KCNMA1: variants seen among roughly 807,000 people sequenced by gnomAD.
KCNMA1 encodes the protein potassium calcium-activated channel subfamily M alpha 1.
A neutral mutation model predicts 140.0 loss-of-function variants in KCNMA1; 29 were observed. The ratio of observed to expected loss-of-function variants is 0.21; its 90% CI spans 0.15 to 0.28. KCNMA1 has a LOEUF of 0.28. Ranked by LOEUF, KCNMA1 falls within the 10% of genes least tolerant of loss-of-function variation. The pLI is 1.00. For synonymous variants in KCNMA1, 612 were observed against 611.9 expected, an observed-to-expected ratio of 1.00 and a Z score of 0.00; for missense variants, 880 against 1,602.2, an observed-to-expected ratio of 0.55 and a Z score of 7.70.
At chr10:76,920,018 G>GTATATATATATTTATA (rs1340604804) in intron 23 of KCNMA1, among the ~76,000 whole-genome samples, 1 of 43,584 alleles carries the variant, frequency 2.3e-5, no homozygotes, top group Non-Finnish European at 4.0e-5. Flanking sequence ...GTGTGTGTGT[G>GTATATATATATTTATA]TGTATATATA....
chr10:77,083,696 G>A (rs2096631916), intron 12 of KCNMA1, among the ~76,000 whole-genome samples: 1 of 151,936 alleles, frequency 6.6e-6, no homozygotes, highest in East Asian at 1.9e-4. Context: ...TTGGCCATGT[G>A]TGGTGGCACA....
rs550357973 is a variant in KCNMA1 at position 76,888,505 on chromosome 10, G to A, written c.3461+946C>T. ...TACTATGCAAGCAGGGATGAGAAAC[G>A]CTTGTCTCTGCAGCACTGTTGCCTA... On this transcript the variant is annotated intron_variant, in intron 27 of 27. Transcript: ENST00000286628. Among the ~76,000 whole-genome samples the A allele has an allele frequency of 1.1e-4, 16 of 152,182 alleles. No individual in the cohort carries two copies. In the South Asian group the frequency reaches 2.9e-3, roughly 28 times the overall value.
At chr10:76,871,044 A>G (rs1051870144) in exon 28 of KCNMA1, 1 of 152,124 alleles carries the variant, frequency 6.6e-6, no homozygotes, top group African/African-American at 2.4e-5. Context: ...GTCCTGAAAA[A>G]CTTGGCTGTA....
At chr10:77,265,055 T>TC (rs1491193081) in intron 2 of KCNMA1, among the ~76,000 whole-genome samples, 1 of 143,686 alleles carries the variant, frequency 7.0e-6, no homozygotes, top group Non-Finnish European at 1.5e-5. Context: ...CAAAAGACTC[T>TC]TTTTTTTTTT....
intron 1 of KCNMA1, among the ~76,000 whole-genome samples, chr10:77,481,180 C>A (rs1004450890): frequency 7.2e-5 from 11 of 151,766 alleles, no homozygotes; most frequent in African/African-American, 2.4e-4. Flanking sequence ...CACACATACA[C>A]ACAGCGTGTA....
At chr10:77,103,746 A>G (rs575592067) in intron 9 of KCNMA1, among the ~76,000 whole-genome samples, 2 of 152,288 alleles carry the variant, frequency 1.3e-5, no homozygotes, top group African/African-American at 4.8e-5. Context: ...ACCAAATGGG[A>G]AAAATAAAGG....
At chr10:76,921,204 TA>T (rs1318719982) in intron 23 of KCNMA1, among the ~76,000 whole-genome samples, 3 of 152,180 alleles carry the variant, frequency 2.0e-5, no homozygotes, top group Non-Finnish European at 2.9e-5. Flanking sequence ...TATGCTACGT[TA>T]AACTAGGGAA....
intron 20 of KCNMA1, among the ~76,000 whole-genome samples, chr10:76,969,765 A>G (rs570638122): frequency 6.6e-6 from 1 of 152,346 alleles, no homozygotes; most frequent in South Asian, 2.1e-4. Context: ...TTTTCATGAC[A>G]GAATTTTTTC....
intron 1 of KCNMA1, among the ~76,000 whole-genome samples, chr10:77,632,219 A>C (rs778732725): frequency 6.6e-6 from 1 of 151,892 alleles, no homozygotes; most frequent in Admixed American, 6.6e-5. Flanking sequence ...TCACAAGGTA[A>C]TTTAAAAGGC....
chr10:77,427,762 TTTA>T, intron 1 of KCNMA1, among the ~76,000 whole-genome samples: 1 of 151,722 alleles, frequency 6.6e-6, no homozygotes, highest in South Asian at 2.1e-4. Context: ...TATTTATTTA[TTTA>T]TTGAGATGGA....
chr10:77,228,552 C>T (rs1045796361), intron 3 of KCNMA1, among the ~76,000 whole-genome samples: 2 of 152,196 alleles, frequency 1.3e-5, no homozygotes, highest in African/African-American at 4.8e-5. Flanking sequence ...GCCACCTCTA[C>T]AACAGTTTTC....
At chr10:77,344,250 G>A (rs547961676) in intron 2 of KCNMA1, among the ~76,000 whole-genome samples, 1 of 152,338 alleles carries the variant, frequency 6.6e-6, no homozygotes, top group South Asian at 2.1e-4. Flanking sequence ...GAGCTAAGAG[G>A]TGGAACCCAG....
At chr10:77,291,565 C>T (rs1470724477) in intron 2 of KCNMA1, among the ~76,000 whole-genome samples, 3 of 152,092 alleles carry the variant, frequency 2.0e-5, no homozygotes, top group Admixed American at 2.0e-4. Flanking sequence ...CGAAATGTCC[C>T]AATAAGAAGG....
intron 2 of KCNMA1, among the ~76,000 whole-genome samples, chr10:77,285,751 G>T (rs1223058519): frequency 1.3e-5 from 2 of 152,130 alleles, no homozygotes; most frequent in Non-Finnish European, 2.9e-5. Context: ...CTCAAATGCT[G>T]CCTCTGCCCC....
intron 14 of KCNMA1, among the ~76,000 whole-genome samples, chr10:77,070,749 C>G (rs2096170629): frequency 6.6e-6 from 1 of 151,996 alleles, no homozygotes; most frequent in South Asian, 2.1e-4. Flanking sequence ...ATAAAACATG[C>G]CAAGGAGGGT....
intron 1 of KCNMA1, among the ~76,000 whole-genome samples, chr10:77,487,311 C>T (rs2098472650): frequency 6.6e-6 from 1 of 152,090 alleles, no homozygotes; most frequent in Non-Finnish European, 1.5e-5. Context: ...TGAAGAAGAC[C>T]AAGATTCACC....
At chr10:77,096,988 G>T (rs977358374) in intron 9 of KCNMA1, among the ~76,000 whole-genome samples, 1 of 152,064 alleles carries the variant, frequency 6.6e-6, no homozygotes, top group African/African-American at 2.4e-5. Context: ...GCAGGGCGTG[G>T]GGGGTTAGAG....
At chr10:77,215,872 C>T (rs76740364) in intron 3 of KCNMA1, among the ~76,000 whole-genome samples, 1 of 151,134 alleles carries the variant, frequency 6.6e-6, no homozygotes, top group African/African-American at 2.4e-5. Context: ...CCCCTCCCCC[C>T]CACCTGTCTC....
intron 1 of KCNMA1, among the ~76,000 whole-genome samples, chr10:77,603,726 C>A (rs1475467829): frequency 6.6e-6 from 1 of 152,172 alleles, no homozygotes; most frequent in African/African-American, 2.4e-5. Flanking sequence ...CAACCCAGCC[C>A]CCAGGGCTGC....
Sources: gnomAD v4.1 joint callset for allele counts (sites outside exome capture counted in the v4.1 genomes callset) on GRCh38, gnomAD v4.1.1 for gene constraint, MANE v1.5 for transcripts, NCBI Gene and HGNC (gene_info 2026-07-23, HGNC 2026-07-21) for gene names.